The following ANO3 variants were observed in gnomAD, a reference collection of about 807,000 sequenced individuals.
ANO3 encodes anoctamin-3.
A neutral mutation model predicts 144.8 loss-of-function variants in ANO3; 99 were observed. That is an observed-to-expected ratio of 0.68 (90% CI 0.58 to 0.81). The LOEUF is 0.81. Ranked by LOEUF, ANO3 falls within the 30% of genes least tolerant of loss-of-function variation. The probability of loss-of-function intolerance (pLI) is 0.00; values close to 1 mark genes in which losing one functional copy is unlikely to be tolerated. For missense variants in ANO3, 905 were observed against 1,202.2 expected (o/e 0.75, Z 3.66); for synonymous variants, 414 against 392.6 (o/e 1.05, Z -0.64).
At chr11:26,239,466 C>T (rs1852609533) in intron 1 of ANO3, among the ~76,000 whole-genome samples, 1 of 152,136 alleles carries the variant, frequency 6.6e-6, no homozygotes, top group Non-Finnish European at 1.5e-5. Context: ...TTGCTGGTCC[C>T]TCTGCCAGGA....
At chr11:26,529,037 A>C (rs1236840333) in intron 7 of ANO3, among the ~76,000 whole-genome samples, 1 of 137,220 alleles carries the variant, frequency 7.3e-6, no homozygotes, top group Non-Finnish European at 1.5e-5. Context: ...TTCACATACC[A>C]AGTCTTGCAT....
chr11:26,603,557 G>A (rs1851855814), intron 17 of ANO3, among the ~76,000 whole-genome samples: 1 of 151,856 alleles, frequency 6.6e-6, no homozygotes, highest in South Asian at 2.1e-4. Flanking sequence ...TTCTATGTAA[G>A]GTAGTATCAT....
intron 14 of ANO3, among the ~76,000 whole-genome samples, chr11:26,570,584 G>T (rs193123541): frequency 2.6e-4 from 39 of 152,192 alleles, no homozygotes; most frequent in Admixed American, 2.5e-3. Flanking sequence ...CAGGTATACT[G>T]CAGGCATAAT....
intron 12 of ANO3, among the ~76,000 whole-genome samples, chr11:26,551,444 A>G (rs936420246): frequency 2.0e-5 from 3 of 151,970 alleles, no homozygotes; most frequent in Non-Finnish European, 4.4e-5. Context: ...TTTAGACTAA[A>G]AAATGTCAAA....
chr11:26,648,150 T>C (rs1853409764), intron 24 of ANO3, among the ~76,000 whole-genome samples: 1 of 152,108 alleles, frequency 6.6e-6, no homozygotes, highest in African/African-American at 2.4e-5. Flanking sequence ...GAATAACTTC[T>C]TACCATCTAG....
intron 1 of ANO3, among the ~76,000 whole-genome samples, chr11:26,238,646 A>G (rs1194168027): frequency 6.6e-6 from 1 of 152,122 alleles, no homozygotes; most frequent in Non-Finnish European, 1.5e-5. Context: ...TGAGTAGATT[A>G]TATTCTAAAA....
intron 1 of ANO3, among the ~76,000 whole-genome samples, chr11:26,288,279 A>G (rs1853854210): frequency 6.6e-6 from 1 of 152,156 alleles, no homozygotes. Flanking sequence ...TTTTAAGATA[A>G]AGAAGTGGAA....
intron 10 of ANO3, among the ~76,000 whole-genome samples, chr11:26,538,946 G>A (rs1196140897): frequency 1.3e-5 from 2 of 152,060 alleles, no homozygotes; most frequent in African/African-American, 4.8e-5. Flanking sequence ...ATTTGATTAA[G>A]GATAGTTCAC....
intron 1 of ANO3, among the ~76,000 whole-genome samples, chr11:26,371,565 C>T (rs1421452684): frequency 4.6e-5 from 7 of 152,150 alleles, no homozygotes; most frequent in East Asian, 1.9e-4. Flanking sequence ...CTGGAAGAGC[C>T]GCAGGCACTC....
intron 1 of ANO3, among the ~76,000 whole-genome samples, chr11:26,408,349 A>G (rs1857342950): frequency 6.6e-6 from 1 of 152,026 alleles, no homozygotes; most frequent in Admixed American, 6.6e-5. Context: ...GAAGACATTT[A>G]TGCAGCCAAA....
chr11:26,286,089 T>C (rs1447554701), intron 1 of ANO3: 1 of 152,202 alleles, frequency 6.6e-6, no homozygotes, highest in African/African-American at 2.4e-5. Context: ...AGATGGCCGT[T>C]AGCTCAATCT....
At chr11:26,351,785 C>A (rs1855651589) in intron 1 of ANO3, among the ~76,000 whole-genome samples, 1 of 152,146 alleles carries the variant, frequency 6.6e-6, no homozygotes, top group African/African-American at 2.4e-5. Flanking sequence ...TTACAGTTCA[C>A]TATGTATGGG....
chr11:26,655,188 G>C (rs1037410280), intron 24 of ANO3, among the ~76,000 whole-genome samples: 3 of 152,134 alleles, frequency 2.0e-5, no homozygotes, highest in Non-Finnish European at 2.9e-5. Flanking sequence ...AATATCTCAT[G>C]AGAAAACATC....
At chr11:26,237,542 TA>T (rs1485256200) in intron 1 of ANO3, among the ~76,000 whole-genome samples, 2 of 151,840 alleles carry the variant, frequency 1.3e-5, no homozygotes, top group Non-Finnish European at 2.9e-5. Context: ...ACATAAATCT[TA>T]AAAATTATCA....
chr11:26,620,907 G>A (rs1852396465), intron 17 of ANO3, among the ~76,000 whole-genome samples: 1 of 152,220 alleles, frequency 6.6e-6, no homozygotes, highest in Admixed American at 6.5e-5. Flanking sequence ...CATCTCATAA[G>A]AGGATTGGCT....
rs544323526 is a variant in ANO3, at chr11:26,274,515, T to C, written c.155-35130T>C. Among the ~76,000 whole-genome samples the C allele has an allele frequency of 3.3e-5, 5 of 152,264 alleles. 1 individual carries two copies. The South Asian group carries it at 1.0e-3, about 32-fold the overall frequency. On this transcript the variant is annotated intron_variant, in intron 1 of 27. Transcript: ENST00000672621. Reference sequence around the variant, plus strand: ...TTTGTTGTTGAAATCCATTGGAACTTTAGAGTCATATGTTATTACCACAGC... The same window carrying C: ...TTTGTTGTTGAAATCCATTGGAACTCTAGAGTCATATGTTATTACCACAGC...
At chr11:26,419,418 T>G (rs989590114) in intron 1 of ANO3, among the ~76,000 whole-genome samples, 2 of 152,154 alleles carry the variant, frequency 1.3e-5, no homozygotes, top group Admixed American at 6.6e-5. Context: ...TTATCTGTTT[T>G]GTTCACTGCT....
chr11:26,250,532 T>G (rs923962323), intron 1 of ANO3, among the ~76,000 whole-genome samples: 4 of 152,204 alleles, frequency 2.6e-5, no homozygotes, highest in African/African-American at 9.7e-5. Context: ...GCCGATTTTA[T>G]GCCAAAATTT....
intron 1 of ANO3, among the ~76,000 whole-genome samples, chr11:26,194,315 A>G (rs1851535788): frequency 6.6e-6 from 1 of 152,184 alleles, no homozygotes; most frequent in Admixed American, 6.5e-5. Flanking sequence ...GTGCAGGAGC[A>G]TTTATGTTAC....
Sources: allele counts gnomAD v4.1 joint callset (sites outside exome capture counted in the v4.1 genomes callset), GRCh38; gene constraint gnomAD v4.1.1; transcripts MANE v1.5; gene names NCBI Gene and HGNC (gene_info 2026-07-23, HGNC 2026-07-21).